Variants in GALNT10 observed in about 807,000 individuals in gnomAD.
The protein encoded by GALNT10 is GalNAc transferase 10.
In GALNT10, 41 loss-of-function variants were observed where a neutral mutation model predicts 75.0. The ratio of observed to expected loss-of-function variants is 0.55; its 90% CI spans 0.43 to 0.71. The LOEUF (loss-of-function observed/expected upper bound fraction) is 0.71, where lower values mean the gene tolerates loss of function less well. Among genes scored for constraint, GALNT10 ranks in the 30% least tolerant of loss-of-function variants. The pLI is 0.00. For missense variants in GALNT10, 727 were observed against 818.5 expected (o/e 0.89, Z 1.36); for synonymous variants, 302 against 313.0 (o/e 0.96, Z 0.37).
At chr5:154,390,783 AT>A (rs1484311388) in intron 7 of GALNT10, among the ~76,000 whole-genome samples, 4 of 152,224 alleles carry the variant, frequency 2.6e-5, no homozygotes, top group Non-Finnish European at 5.9e-5. Flanking sequence ...AAATGATTTC[AT>A]TCTATGTGTT....
intron 4 of GALNT10, among the ~76,000 whole-genome samples, chr5:154,375,622 G>A (rs560991029): frequency 2.5e-4 from 38 of 152,242 alleles, no homozygotes; most frequent in Admixed American, 2.2e-3. Flanking sequence ...GTCTTGACTC[G>A]TATTTTTACA....
In GALNT10 at chr5:154,419,523, G is replaced by C. The variant is rs1756587709; in HGVS notation, c.*2551G>C. ...CAGGAGCAGCAGCAAGCCGTCCCGG[G>C]CCTGCCTTTCCCATCCTTTGGTTCT... On this transcript the variant is annotated 3_prime_UTR_variant, in exon 12 of 12. Transcript: ENST00000297107. The C allele has an allele frequency of 1.3e-5, 2 of 152,298 alleles. No homozygotes were observed. Among genetic ancestry groups the C allele is most frequent in the Non-Finnish European group, 1.5e-5 (1 of 68,114 alleles). 9.4% of individuals were successfully genotyped at this position (152,298 alleles called of 1,614,324 possible). A position where few individuals can be genotyped will look rare whatever the true frequency, so the allele number is the denominator to read the frequency against.
intron 1 of GALNT10, among the ~76,000 whole-genome samples, chr5:154,248,642 G>A (rs954443059): frequency 1.3e-4 from 20 of 152,126 alleles, no homozygotes; most frequent in Admixed American, 1.0e-3. Context: ...TATTTCTGTG[G>A]GATCAGTGGT....
At chr5:154,219,018 TC>T (rs1288533312) in intron 1 of GALNT10, among the ~76,000 whole-genome samples, 1 of 152,020 alleles carries the variant, frequency 6.6e-6, no homozygotes, top group African/African-American at 2.4e-5. Context: ...CCCAGAGCCC[TC>T]CCCCGGCTCC....
intron 4 of GALNT10, among the ~76,000 whole-genome samples, chr5:154,344,361 A>G (rs1276302151): frequency 6.6e-6 from 1 of 151,612 alleles, no homozygotes; most frequent in Non-Finnish European, 1.5e-5. Context: ...ACAGGCGCGC[A>G]CCACCATGCC....
chr5:154,339,163 T>C (rs1424865136), intron 4 of GALNT10, among the ~76,000 whole-genome samples: 1 of 152,160 alleles, frequency 6.6e-6, no homozygotes, highest in African/African-American at 2.4e-5. Flanking sequence ...TTACCTACCC[T>C]CATAATCATC....
chr5:154,203,958 C>T (rs1581916989), intron 1 of GALNT10, among the ~76,000 whole-genome samples: 1 of 152,222 alleles, frequency 6.6e-6, no homozygotes, highest in South Asian at 2.1e-4. Context: ...GCCATAGACA[C>T]TACTTAAACC....
chr5:154,310,637 A>G (rs2113094911), intron 3 of GALNT10, among the ~76,000 whole-genome samples: 1 of 151,776 alleles, frequency 6.6e-6, no homozygotes, highest in East Asian at 1.9e-4. Context: ...ACACCTGGCT[A>G]ATTTTTGTAT....
intron 3 of GALNT10, among the ~76,000 whole-genome samples, chr5:154,314,032 TC>T (rs1292056055): frequency 2.6e-5 from 4 of 152,126 alleles, no homozygotes; most frequent in Non-Finnish European, 5.9e-5. Context: ...GAGGAGAAAA[TC>T]CTAGAATTTT....
intron 4 of GALNT10, among the ~76,000 whole-genome samples, chr5:154,340,284 A>G (rs1485441226): frequency 6.6e-6 from 1 of 152,208 alleles, no homozygotes; most frequent in Non-Finnish European, 1.5e-5. Flanking sequence ...CAGCACCTAT[A>G]TAGCACTTTC....
chr5:154,277,438 C>T (rs531948561), intron 1 of GALNT10, among the ~76,000 whole-genome samples: 2 of 150,320 alleles, frequency 1.3e-5, no homozygotes, highest in South Asian at 4.2e-4. Context: ...CAGAGCCAGA[C>T]CAACTTCAAT....
chr5:154,332,889 T>C (rs1307900973), intron 4 of GALNT10, among the ~76,000 whole-genome samples: 1 of 152,196 alleles, frequency 6.6e-6, no homozygotes, highest in Non-Finnish European at 1.5e-5. Context: ...AGGATCCCCC[T>C]CTGGGTATCA....
At chr5:154,261,545 C>T (rs1039716178) in intron 1 of GALNT10, among the ~76,000 whole-genome samples, 1 of 152,164 alleles carries the variant, frequency 6.6e-6, no homozygotes, top group Non-Finnish European at 1.5e-5. Flanking sequence ...GCTTTTCTTC[C>T]ACCAGCTAAG....
At chr5:154,339,626 A>G (rs921502255) in intron 4 of GALNT10, among the ~76,000 whole-genome samples, 1 of 152,200 alleles carries the variant, frequency 6.6e-6, no homozygotes, top group South Asian at 2.1e-4. Flanking sequence ...AAAAGCTCCA[A>G]TGTTTTGGAA....
At chr5:154,217,214 C>T (rs1752888119) in intron 1 of GALNT10, among the ~76,000 whole-genome samples, 1 of 152,184 alleles carries the variant, frequency 6.6e-6, no homozygotes, top group Non-Finnish European at 1.5e-5. Context: ...TCTGGGTAGA[C>T]CTCTCTGACA....
intron 1 of GALNT10, among the ~76,000 whole-genome samples, chr5:154,275,620 G>A (rs1355899259): frequency 6.6e-6 from 1 of 152,190 alleles, no homozygotes; most frequent in Admixed American, 6.5e-5. Flanking sequence ...CGCCTGCCAG[G>A]TGGGTCAGCA....
In GALNT10 at chr5:154,412,111, A is replaced by G. The variant is rs991129282; in HGVS notation, c.1387-778A>G. On this transcript the variant is annotated intron_variant, in intron 9 of 11. Coordinates refer to ENST00000297107, the MANE Select transcript of GALNT10 (RefSeq NM_198321.4). The surrounding 1 kb of genome is among the most constrained non-coding windows in gnomAD (Gnocchi z 4.2). ...ATTCAGAATACAGGATCTGGGTGCA[A>G]TGAGACTCTCTGCAACAGGAAATTG... Among the ~76,000 whole-genome samples, 10 of 152,182 alleles carry G rather than the reference A, an allele frequency of 6.6e-5. No homozygotes were observed. The highest frequency in any genetic ancestry group is 4.6e-4 in the Admixed American group (7 of 15,288).
At position 154,297,567 on chromosome 5, in the gene GALNT10, C is replaced by T. The variant is rs147279322; in HGVS notation, c.263-374C>T. Among the ~76,000 whole-genome samples, 98 of 152,248 alleles carry T rather than the reference C, an allele frequency of 6.4e-4. No individual in the cohort carries two copies. The East Asian group carries it at 0.016, about 25-fold the overall frequency. On this transcript the variant is annotated intron_variant, in intron 2 of 11. Transcript: ENST00000297107. ...ATTGATCAGCTCACAGATGGTGGACCTAGCTGTCCAGTGACTGGTCTGCGA... is the reference window on the plus strand; with the variant it reads ...ATTGATCAGCTCACAGATGGTGGACTTAGCTGTCCAGTGACTGGTCTGCGA...
chr5:154,322,714 G>A (rs924757534), intron 3 of GALNT10, among the ~76,000 whole-genome samples: 5 of 152,152 alleles, frequency 3.3e-5, no homozygotes, highest in African/African-American at 1.2e-4. Context: ...TCCCACAGGA[G>A]CTGATGTCCT....
Sources: allele counts gnomAD v4.1 joint callset (sites outside exome capture counted in the v4.1 genomes callset), GRCh38; gene constraint gnomAD v4.1.1; non-coding constraint Gnocchi (gnomAD v3.1); transcripts MANE v1.5; gene names NCBI Gene and HGNC (gene_info 2026-07-23, HGNC 2026-07-21).